MYO19: variants seen among roughly 807,000 people sequenced by gnomAD.
MYO19 encodes myosin XIX.
MYO19 carries 132 observed loss-of-function variants against 129.2 expected under a neutral mutation model. The observed-to-expected ratio is 1.02, with a 90% CI of 0.89 to 1.18. The LOEUF (loss-of-function observed/expected upper bound fraction) is 1.18, where lower values mean the gene tolerates loss of function less well. MYO19 is among the 50% of genes most tolerant of loss of function. The pLI is 0.00. For synonymous variants in MYO19, 531 were observed against 477.2 expected (o/e 1.11, Z -1.47); for missense variants, 1,210 against 1,216.7 (o/e 0.99, Z 0.08).
chr17:36,532,806 T>C (rs1418303416), intron 2 of MYO19, 125 bp from the exon 3 acceptor site: 4 of 572,752 alleles, frequency 7.0e-6, no homozygotes, highest in East Asian at 2.9e-5. Context: ...GGGCGGAGAG[T>C]GGGCCTGTCC....
chr17:36,507,471 G>A lies in MYO19; in HGVS notation c.1395C>T (p.Asn465=), dbSNP rs1283655572. ...AVEGLEWSFI[N]YQDNQPCLDL... ...CCAAACAGGGCTGGTTGTCCTGGTA[G>A]TTGATGAATGACCACTCCAGGCCCT... Residue 465 remains asparagine, a synonymous_variant, in exon 16 of 26, where the codon AAC becomes AAT. Coordinates refer to ENST00000614623, the MANE Select transcript of MYO19 (RefSeq NM_001163735.2). 6.2e-7 allele frequency: 1 copy of A among 1,613,764 alleles called. No individual in the cohort carries two copies. Among genetic ancestry groups the A allele is most frequent in the East Asian group, 2.2e-5 (1 of 44,872 alleles).
chr17:36,531,209 A>G (rs926464410), intron 3 of MYO19, among the ~76,000 whole-genome samples: 1 of 152,032 alleles, frequency 6.6e-6, no homozygotes, highest in African/African-American at 2.4e-5. Context: ...CCTGGCTAAC[A>G]CGGTGAAACC....
rs1217431769 is a variant in MYO19 at position 36,507,474 on chromosome 17, G to A, written c.1392C>T (p.Ile464=). ...YAVEGLEWSF[I]NYQDNQPCLD... ...AACAGGGCTGGTTGTCCTGGTAGTT[G>A]ATGAATGACCACTCCAGGCCCTCAA... The change falls in exon 16 of 26, where the codon ATC becomes ATT. Residue 464 remains isoleucine (I), a synonymous_variant. Transcript: ENST00000614623. 1 of 1,613,696 alleles carries A rather than the reference G, an allele frequency of 6.2e-7. No homozygotes were observed. The highest frequency in any genetic ancestry group is 2.2e-5 in the East Asian group (1 of 44,870).
chr17:36,531,430 A>T (rs866741425), intron 3 of MYO19, among the ~76,000 whole-genome samples: 1 of 151,616 alleles, frequency 6.6e-6, no homozygotes, highest in African/African-American at 2.4e-5. Context: ...GAAAATAGAG[A>T]TAAGCAAAAG....
chr17:36,529,591 C>T lies in MYO19; in HGVS notation c.13-1389G>A, dbSNP rs141343460. 2.3e-4 allele frequency among the ~76,000 whole-genome samples: 35 copies of T among 152,258 alleles called. No homozygotes were observed. The East Asian group carries it at 6.6e-3, about 29-fold the overall frequency. On this transcript the variant is annotated intron_variant, in intron 3 of 25. Coordinates refer to ENST00000614623, the MANE Select transcript of MYO19 (RefSeq NM_001163735.2). ...TAATGCATTTCTTCCAAAACTGTTGCCTGTTCTCTGAACTTTGGGCCCACT... is the reference window on the plus strand; with the variant it reads ...TAATGCATTTCTTCCAAAACTGTTGTCTGTTCTCTGAACTTTGGGCCCACT...
intron 6 of MYO19, among the ~76,000 whole-genome samples, chr17:36,520,141 A>AT (rs1434137367): frequency 6.6e-6 from 1 of 151,766 alleles, no homozygotes; most frequent in Non-Finnish European, 1.5e-5. Flanking sequence ...TGCCCTGCTA[A>AT]TTTTTTGTAT....
chr17:36,528,120 A>T lies in MYO19; in HGVS notation c.95T>A (p.Val32Asp). ...EDLQEFLGGE[V>D]LLYKLDDLTR... The stretch of plus-strand genomic sequence containing the variant: ...GAGGTCATCCAGTTTGTACAGCAGG[A>T]CCTCCCCACCCAGGAACTCCTGCAG... Residue 32 changes from valine (V) to aspartate (D), a missense_variant, in exon 4 of 26, where the codon GTC (valine) becomes GAC (aspartate). Physicochemically the swap from Val to Asp is radical, Grantham distance 152. Coordinates refer to ENST00000614623, the MANE Select transcript of MYO19 (RefSeq NM_001163735.2). 1 of 1,613,452 alleles carries T rather than the reference A, an allele frequency of 6.2e-7. No individual in the cohort carries two copies. Among genetic ancestry groups the T allele is most frequent in the Non-Finnish European group, 8.5e-7 (1 of 1,179,754 alleles).
In MYO19 at chr17:36,495,769, CATAAT is replaced by C; in HGVS notation, c.*477_*481del. ...TGATTCTACTGTACATTGCATTATT[CATAAT>C]TTAATTGTTTGAAATTACATTAAAT... is the stretch of plus-strand genomic sequence containing the variant. On this transcript the variant is annotated 3_prime_UTR_variant, in exon 26 of 26. Transcript: ENST00000614623. The C allele has an allele frequency of 1.6e-6, 2 of 1,240,320 alleles. No individual in the cohort carries two copies. The highest frequency in any genetic ancestry group is 2.0e-6 in the Non-Finnish European group (2 of 992,710). 76.8% of individuals were successfully genotyped at this position (1,240,320 alleles called of 1,614,324 possible). A position where few individuals can be genotyped will look rare whatever the true frequency, so the allele number is the denominator to read the frequency against.
At chr17:36,504,271 G>T (rs778340876) in intron 19 of MYO19, 22 of 477,584 alleles carry the variant, frequency 4.6e-5, no homozygotes, top group South Asian at 7.2e-5. Context: ...TACAGCTGAA[G>T]CAAGTGATGT....
At chr17:36,502,999 C>T in intron 21 of MYO19, 98 bp downstream of exon 21, 1 of 986,506 alleles carries the variant, frequency 1.0e-6, no homozygotes, top group Non-Finnish European at 1.6e-6. Context: ...GTGTTTTATT[C>T]ACCAGTAAGC....
At chr17:36,532,922 A>T (rs1465279851) in intron 2 of MYO19, among the ~76,000 whole-genome samples, 1 of 152,078 alleles carries the variant, frequency 6.6e-6, no homozygotes, top group Non-Finnish European at 1.5e-5. Flanking sequence ...GGGGCTGCAA[A>T]CCCTCTGGGT....
In MYO19 at chr17:36,540,528, G is replaced by A. The variant is rs59183168; in HGVS notation, n.395+1553C>T. Among the ~76,000 whole-genome samples, 667 of 151,934 alleles carry A rather than the reference G, an allele frequency of 4.4e-3. 7 individuals carry two copies. The highest frequency in any genetic ancestry group is 0.016 in the African/African-American group (654 of 41,396). On this transcript the variant is annotated intron_variant and non_coding_transcript_variant, in intron 2 of 2. Coordinates refer to the MYO19 transcript ENST00000610496. ...TGGGATTACAGGCACACGCCACTTCGCCTGGCTAATTTTTGTATTTTTAGT... is the reference window on the plus strand; with the variant it reads ...TGGGATTACAGGCACACGCCACTTCACCTGGCTAATTTTTGTATTTTTAGT...
intron 6 of MYO19, among the ~76,000 whole-genome samples, chr17:36,516,838 A>G (rs1208311076): frequency 3.3e-5 from 5 of 152,366 alleles, no homozygotes; most frequent in African/African-American, 1.2e-4. Flanking sequence ...TAGTTGCAGT[A>G]AGGTGGCAAC....
chr17:36,506,974 C>G lies in MYO19; in HGVS notation c.1633G>C (p.Glu545Gln), dbSNP rs1006425248. 6.9e-6 allele frequency: 11 copies of G among 1,596,204 alleles called. No homozygotes were observed. The highest frequency in any genetic ancestry group is 1.7e-5 in the Admixed American group (1 of 59,100). Residue 545 changes from glutamate to glutamine, a missense_variant, in exon 17 of 26, where the codon GAG becomes CAG. Transcript: ENST00000614623. ...GGCCCAGCCCGTACCTTGTTCTTCT[C>G]CACCAGGCCTGCTGTGTGGTACCGC... ...PVRYHTAGLV[E>Q]KNKDPIPPEL...
chr17:36,507,016 G>T lies in MYO19; in HGVS notation c.1591C>A (p.His531Asn). The change falls in exon 17 of 26, where the codon CAT becomes AAT. Residue 531 changes from histidine (H) to asparagine (N), a missense_variant. Transcript: ENST00000614623. ...TGGTACCGCACAGGCCCCGCATAAT[G>T]CACCACAATGAAGCTGGGCTCCCGG... The part of the protein sequence containing the change: ...LSREPSFIVV[H>N]YAGPVRYHTA... The T allele has an allele frequency of 6.2e-7, 1 of 1,613,414 alleles. No individual in the cohort carries two copies. Among genetic ancestry groups the T allele is most frequent in the Non-Finnish European group, 8.5e-7 (1 of 1,179,524 alleles).
intron 2 of MYO19, chr17:36,533,695 G>A (rs886816622): frequency 6.6e-6 from 1 of 152,284 alleles, no homozygotes; most frequent in East Asian, 1.9e-4. Context: ...AAAAGATCCT[G>A]ACCCTGGACA....
chr17:36,508,822 A>C (rs765254319), intron 14 of MYO19: 4 of 539,618 alleles, frequency 7.4e-6, no homozygotes, highest in Admixed American at 3.2e-5. Flanking sequence ...GGGCTCTTTC[A>C]GACAAGGCAC....
rs1359193662 is a variant in MYO19 at position 36,514,650 on chromosome 17, G to GC, written c.618-103dup. The stretch of plus-strand genomic sequence containing the variant: ...ATTGCCTGCTACCTGGCAACTCCCC[G>GC]CCAAGCTCTTCCACTTAGCCAATGG... On this transcript the variant is annotated intron_variant, in intron 8 of 25. Transcript: ENST00000614623. 4 of 754,704 alleles carry GC rather than the reference G, an allele frequency of 5.3e-6. No homozygotes were observed. In the African/African-American group the frequency reaches 7.0e-5, roughly 13 times the overall value. The allele number at this position is 754,704 out of a possible 1,614,324, so 46.8% of individuals were successfully genotyped here. A position where few individuals can be genotyped will look rare whatever the true frequency, so the allele number is the denominator to read the frequency against.
At position 36,527,718 on chromosome 17, in the gene MYO19, T is replaced by C; in HGVS notation, c.152-19A>G. 1 of 1,601,364 alleles carries C rather than the reference T, an allele frequency of 6.2e-7. No individual in the cohort carries two copies. The highest frequency in any genetic ancestry group is 8.5e-7 in the Non-Finnish European group (1 of 1,173,412). ...CTCAGGACTGAGGCAGAGATGCCTT[T>C]AGCAAACTCGGGCTCAAATATAGTC... is the stretch of plus-strand genomic sequence containing the variant. On this transcript the variant is annotated intron_variant, in intron 4 of 25. Transcript: ENST00000614623.
Sources: allele counts gnomAD v4.1 joint callset (sites outside exome capture counted in the v4.1 genomes callset), GRCh38; gene constraint gnomAD v4.1.1; transcripts MANE v1.5; gene names NCBI Gene and HGNC (gene_info 2026-07-23, HGNC 2026-07-21).